MINDY4: variants seen among roughly 807,000 people sequenced by gnomAD.
MINDY4 encodes the protein MINDY lysine 48 deubiquitinase 4.
MINDY4 carries 68 observed loss-of-function variants against 87.0 expected under a neutral mutation model. The ratio of observed to expected loss-of-function variants is 0.78; its 90% CI spans 0.64 to 0.96. MINDY4 has a LOEUF of 0.96. MINDY4 is among the 40% of genes least tolerant of loss of function. MINDY4 has a pLI of 0.00. For synonymous variants in MINDY4, 379 were observed against 363.2 expected (o/e 1.04, Z -0.50); for missense variants, 919 against 928.2 (o/e 0.99, Z 0.13).
intron 13 of MINDY4, among the ~76,000 whole-genome samples, 180 bp from the exon 14 acceptor site, chr7:30,872,063 C>A (rs908574755): frequency 2.0e-5 from 3 of 152,150 alleles, no homozygotes; most frequent in African/African-American, 7.2e-5. Context: ...GGGCTCTAGC[C>A]CCATCCCTTC....
At chr7:30,877,676 TCTTCTTC>T (rs796384867) in intron 15 of MINDY4, among the ~76,000 whole-genome samples, 4 of 131,382 alleles carry the variant, frequency 3.0e-5, no homozygotes, top group South Asian at 2.4e-4. Context: ...TTCTTCTTCT[TCTTCTTC>T]TTTTTTTTTT....
chr7:30,779,111 C>T (rs1021941293), intron 2 of MINDY4, among the ~76,000 whole-genome samples: 5 of 152,126 alleles, frequency 3.3e-5, no homozygotes, highest in Admixed American at 2.0e-4. Flanking sequence ...ACTTGATCTC[C>T]CCCAACCTGC....
intron 2 of MINDY4, chr7:30,781,534 TA>T (rs1787007942): frequency 6.2e-6 from 1 of 162,054 alleles, no homozygotes; most frequent in African/African-American, 2.4e-5. Flanking sequence ...GTGTCAGTGT[TA>T]GATGCAGAGC....
intron 5 of MINDY4, among the ~76,000 whole-genome samples, chr7:30,799,221 A>G (rs1787580537): frequency 6.6e-6 from 1 of 152,134 alleles, no homozygotes. Context: ...ACACATGCCT[A>G]GACCAGACTT....
At chr7:30,875,778 T>G in intron 15 of MINDY4, 122 bp downstream of exon 15, 1 of 1,114,878 alleles carries the variant, frequency 9.0e-7, no homozygotes, top group Non-Finnish European at 1.3e-6. Context: ...CGGGTCCAGT[T>G]AGAATCACAG....
chr7:30,779,010 T>C (rs533422316), intron 2 of MINDY4, among the ~76,000 whole-genome samples: 33 of 152,304 alleles, frequency 2.2e-4, no homozygotes, highest in Admixed American at 2.0e-3. Flanking sequence ...GAGGAGGGAA[T>C]TGGGTTCAGC....
intron 13 of MINDY4, among the ~76,000 whole-genome samples, chr7:30,862,420 C>A (rs1298547250): frequency 6.6e-6 from 1 of 152,258 alleles, no homozygotes; most frequent in Non-Finnish European, 1.5e-5. Context: ...GTCCCCAGAA[C>A]AGCCTGCTCC....
At chr7:30,865,524 A>T (rs544259220) in intron 13 of MINDY4, among the ~76,000 whole-genome samples, 3 of 152,278 alleles carry the variant, frequency 2.0e-5, no homozygotes, top group Admixed American at 2.0e-4. Flanking sequence ...CCTGGGAGCC[A>T]CCTGCTCCTT....
At chr7:30,833,299 TG>T (rs1416716689) in intron 6 of MINDY4, among the ~76,000 whole-genome samples, 1 of 152,166 alleles carries the variant, frequency 6.6e-6, no homozygotes, top group Admixed American at 6.5e-5. Context: ...CTCACAATCA[TG>T]GTGGAAGGCA....
intron 13 of MINDY4, among the ~76,000 whole-genome samples, chr7:30,870,742 G>A (rs978611342): frequency 2.0e-5 from 3 of 152,208 alleles, no homozygotes; most frequent in African/African-American, 4.8e-5. Flanking sequence ...CATACATTGA[G>A]ACCAAGTTTA....
Position 30,865,036 on chromosome 7 carries a change from G to A in MINDY4, c.1745+5712G>A, listed in dbSNP as rs11975305. Among the ~76,000 whole-genome samples the A allele has an allele frequency of 5.1e-3, 773 of 152,270 alleles. 6 individuals carry two copies. The highest frequency in any genetic ancestry group is 0.018 in the African/African-American group (747 of 41,550). ...TGTTCTGAACGGGAGGGGTCCATGG[G>A]ATGCTCGTCAGCTTACCTGGGACTC... On this transcript the variant is annotated intron_variant, in intron 13 of 17. Transcript: ENST00000265299.
intron 4 of MINDY4, among the ~76,000 whole-genome samples, chr7:30,787,782 G>T (rs1787198447): frequency 1.3e-5 from 2 of 152,208 alleles, no homozygotes; most frequent in African/African-American, 4.8e-5. Context: ...CCCTGCCTGG[G>T]TGACAGTTTA....
At chr7:30,806,150 G>A (rs988299619) in intron 5 of MINDY4, among the ~76,000 whole-genome samples, 1 of 152,176 alleles carries the variant, frequency 6.6e-6, no homozygotes, top group Non-Finnish European at 1.5e-5. Context: ...GCAAAGCTTT[G>A]TTCAGTTATT....
At chr7:30,839,366 A>C (rs1788964010) in intron 8 of MINDY4, 50 bp downstream of exon 8, 2 of 1,196,508 alleles carry the variant, frequency 1.7e-6, no homozygotes, top group Non-Finnish European at 2.4e-6. Flanking sequence ...GCCATCATGC[A>C]TAGGGGTGGG....
intron 12 of MINDY4, among the ~76,000 whole-genome samples, chr7:30,855,117 T>C (rs773414961): frequency 1.3e-4 from 20 of 152,238 alleles, no homozygotes; most frequent in Non-Finnish European, 2.6e-4. Context: ...AGAGGAGGCC[T>C]GGAGCAGGGG....
chr7:30,847,081 G>C (rs1462035558), intron 9 of MINDY4, among the ~76,000 whole-genome samples: 4 of 152,214 alleles, frequency 2.6e-5, no homozygotes. Flanking sequence ...ATCTGACCCA[G>C]TGTCTGCATT....
chr7:30,865,276 C>T (rs989497892), intron 13 of MINDY4, among the ~76,000 whole-genome samples: 1 of 152,346 alleles, frequency 6.6e-6, no homozygotes, highest in East Asian at 1.9e-4. Context: ...CCTTTTGAAG[C>T]TTAGCTGGGA....
rs575713139 is a variant in MINDY4 at position 30,859,177 on chromosome 7, G to T, written c.1678-80G>T. 6 of 1,415,598 alleles carry T rather than the reference G, an allele frequency of 4.2e-6. No individual in the cohort carries two copies. In the African/African-American group the frequency reaches 5.6e-5, roughly 13 times the overall value. 87.7% of individuals were successfully genotyped at this position (1,415,598 alleles called of 1,614,324 possible). Reference sequence around the variant, plus strand: ...GGCTCAGGGCAGGCTGCTCCCTGGGGTGTGGCTCCCACAGAGGTGTGGGGC... The same window carrying T: ...GGCTCAGGGCAGGCTGCTCCCTGGGTTGTGGCTCCCACAGAGGTGTGGGGC... On this transcript the variant is annotated intron_variant, in intron 12 of 17. Coordinates refer to ENST00000265299, the MANE Select transcript of MINDY4 (RefSeq NM_032222.3).
intron 5 of MINDY4, among the ~76,000 whole-genome samples, 195 bp from the exon 6 acceptor site, chr7:30,828,484 C>T (rs1788588223): frequency 6.6e-6 from 1 of 152,122 alleles, no homozygotes; most frequent in African/African-American, 2.4e-5. Context: ...CGACAAGCAT[C>T]ATGGGGGCTA....
Sources: gnomAD v4.1 joint callset for allele counts (sites outside exome capture counted in the v4.1 genomes callset) on GRCh38, gnomAD v4.1.1 for gene constraint, MANE v1.5 for transcripts, NCBI Gene and HGNC (gene_info 2026-07-23, HGNC 2026-07-21) for gene names.